SEZ6L: variants seen among roughly 807,000 people sequenced by gnomAD.
The protein encoded by SEZ6L is seizure 6-like protein.
In SEZ6L, 37 loss-of-function variants were observed where a neutral mutation model predicts 106.2. The observed-to-expected ratio is 0.35, with a 90% confidence interval of 0.27 to 0.46. The LOEUF (loss-of-function observed/expected upper bound fraction) is 0.46, where lower values mean the gene tolerates loss of function less well. Among genes scored for constraint, SEZ6L ranks in the 20% least tolerant of loss-of-function variants. SEZ6L has a pLI of 1.00. For missense variants in SEZ6L, 1,172 were observed against 1,332.8 expected, an observed-to-expected ratio of 0.88 and a Z score of 1.88; for synonymous variants, 541 against 570.4, an observed-to-expected ratio of 0.95 and a Z score of 0.73.
chr22:26,303,010 A>C (rs909526525), intron 5 of SEZ6L, among the ~76,000 whole-genome samples: 1 of 152,242 alleles, frequency 6.6e-6, no homozygotes, highest in Non-Finnish European at 1.5e-5. Flanking sequence ...CCCCATGCCC[A>C]TCGTTTCATT....
chr22:26,262,591 G>A lies in SEZ6L; in HGVS notation c.95-29815G>A, dbSNP rs151127518. 1.3e-3 allele frequency among the ~76,000 whole-genome samples: 195 copies of A among 152,280 alleles called. 1 individual carries two copies. The highest frequency in any genetic ancestry group is 4.4e-3 in the African/African-American group (184 of 41,540). ...TTCTTTCCTAGTGTGAAGGACAGAC[G>A]TAAGTGTTACCAGCACAGGGAGCTC... On this transcript the variant is annotated intron_variant, in intron 1 of 16. Coordinates refer to ENST00000248933, the MANE Select transcript of SEZ6L (RefSeq NM_021115.5).
intron 9 of SEZ6L, among the ~76,000 whole-genome samples, chr22:26,325,862 G>A (rs746555457): frequency 3.3e-5 from 5 of 152,092 alleles, no homozygotes; most frequent in African/African-American, 9.6e-5. Flanking sequence ...CTGTGATGAC[G>A]ATTAATCCCT....
chr22:26,317,169 G>A (rs1601482415), intron 9 of SEZ6L, among the ~76,000 whole-genome samples: 1 of 152,166 alleles, frequency 6.6e-6, no homozygotes, highest in African/African-American at 2.4e-5. Flanking sequence ...CTTCTTAGCT[G>A]AAGCTTCACA....
intron 1 of SEZ6L, among the ~76,000 whole-genome samples, chr22:26,269,976 G>A (rs1325954399): frequency 2.0e-5 from 3 of 152,186 alleles, no homozygotes; most frequent in Non-Finnish European, 4.4e-5. Flanking sequence ...CAGTATCAGG[G>A]AAAAGACCCC....
rs768817096 is a variant in SEZ6L at position 26,313,749 on chromosome 22, G to C, written c.1877-15G>C. The C allele has an allele frequency of 3.8e-6, 6 of 1,596,736 alleles. No homozygotes were observed. Among genetic ancestry groups the C allele is most frequent in the African/African-American group, 1.3e-5 (1 of 74,652 alleles). On this transcript the variant is annotated splice_polypyrimidine_tract_variant and intron_variant, in intron 8 of 16. Coordinates refer to ENST00000248933, the MANE Select transcript of SEZ6L (RefSeq NM_021115.5). ...ACAAATAAAGTCCGTCTTCTTGCCT[G>C]TCTGTCTTTTACAGCCATGTGTGGT...
At position 26,322,913 on chromosome 22, in the gene SEZ6L, CA is replaced by C. The variant is rs1257051713; in HGVS notation, c.2015+9012del. The stretch of plus-strand genomic sequence containing the variant: ...GGGCCTTTTCATATTGCTCTCCTCT[CA>C]CTCTCTCTCATTCATTCTCTCTCCA... On this transcript the variant is annotated intron_variant, in intron 9 of 16. Coordinates refer to ENST00000248933, the MANE Select transcript of SEZ6L (RefSeq NM_021115.5). 5.9e-5 allele frequency among the ~76,000 whole-genome samples: 9 copies of C among 152,316 alleles called. No individual in the cohort carries two copies. The East Asian group carries it at 1.4e-3, about 23-fold the overall frequency.
intron 5 of SEZ6L, among the ~76,000 whole-genome samples, chr22:26,303,054 C>A (rs534979399): frequency 6.6e-6 from 1 of 152,354 alleles, no homozygotes; most frequent in South Asian, 2.1e-4. Flanking sequence ...GGAGGGTGGA[C>A]TTATCACCAT....
intron 1 of SEZ6L, among the ~76,000 whole-genome samples, chr22:26,263,913 C>G (rs2080096467): frequency 6.6e-6 from 1 of 152,222 alleles, no homozygotes; most frequent in Non-Finnish European, 1.5e-5. Flanking sequence ...CTCATCATCT[C>G]TCACCTGGAC....
intron 1 of SEZ6L, among the ~76,000 whole-genome samples, chr22:26,257,018 A>C (rs1307480713): frequency 6.6e-6 from 1 of 152,182 alleles, no homozygotes; most frequent in Non-Finnish European, 1.5e-5. Context: ...GGTGGGGAGC[A>C]ATTTTGCTCT....
chr22:26,283,754 A>T (rs1045926724), intron 1 of SEZ6L, among the ~76,000 whole-genome samples: 8 of 152,330 alleles, frequency 5.3e-5, no homozygotes, highest in African/African-American at 1.9e-4. Context: ...CGAGAATGCT[A>T]AATGCCACAT....
At chr22:26,345,655 C>T (rs1244061806) in intron 10 of SEZ6L, among the ~76,000 whole-genome samples, 1 of 152,154 alleles carries the variant, frequency 6.6e-6, no homozygotes, top group Non-Finnish European at 1.5e-5. Flanking sequence ...CTCCTTTCCC[C>T]AAATAAAATC....
chr22:26,279,604 A>G (rs1218933155), intron 1 of SEZ6L, among the ~76,000 whole-genome samples: 1 of 152,290 alleles, frequency 6.6e-6, no homozygotes, highest in Non-Finnish European at 1.5e-5. Flanking sequence ...TGAGAAGGCC[A>G]AGGACCAGGC....
At chr22:26,344,628 C>T (rs1016292761) in intron 10 of SEZ6L, among the ~76,000 whole-genome samples, 2 of 152,154 alleles carry the variant, frequency 1.3e-5, no homozygotes, top group Admixed American at 1.3e-4. Context: ...AAAAATTGAA[C>T]CTTGGTGCTA....
intron 1 of SEZ6L, among the ~76,000 whole-genome samples, chr22:26,205,251 C>T (rs1050624371): frequency 1.3e-5 from 2 of 152,230 alleles, no homozygotes; most frequent in East Asian, 3.8e-4. Context: ...ATTCAAGGCC[C>T]TTTCAAGTCT....
At position 26,292,797 on chromosome 22, in the gene SEZ6L, G is replaced by A. The variant is rs768838328; in HGVS notation, c.486G>A (p.Glu162=). 6.8e-6 allele frequency: 11 copies of A among 1,614,088 alleles called. No homozygotes were observed. The highest frequency in any genetic ancestry group is 6.7e-5 in the Admixed American group (4 of 60,022). The change falls in exon 2 of 17, where the codon GAG becomes GAA. Residue 162 remains glutamate, a synonymous_variant. Transcript: ENST00000248933. The part of the protein sequence containing the change: ...QGLDLLSSST[E]KPGPPGDPDP... ...TAGATCTCCTCTCCTCCTCCACGGA[G>A]AAGCCTGGCCCACCGGGGGACCCGG...
Position 26,297,072 on chromosome 22 carries a change from A to G in SEZ6L, c.1154A>G (p.His385Arg), listed in dbSNP as rs768713974. The change falls in exon 4 of 17, where the codon CAC becomes CGC. Residue 385 changes from histidine to arginine, a missense_variant. Coordinates refer to ENST00000248933, the MANE Select transcript of SEZ6L (RefSeq NM_021115.5). ...QDDGLGTFQL[H>R]YQAFMLSCNF... ...GACGGCCTTGGGACCTTCCAGCTTC[A>G]CTACCAGGGTAGGGTCAGGCCAAGG... The G allele has an allele frequency of 6.2e-7, 1 of 1,612,534 alleles. No individual in the cohort carries two copies. The highest frequency in any genetic ancestry group is 2.2e-5 in the East Asian group (1 of 44,846).
intron 1 of SEZ6L, among the ~76,000 whole-genome samples, chr22:26,177,583 T>C (rs753161215): frequency 6.6e-5 from 10 of 152,164 alleles, no homozygotes; most frequent in Non-Finnish European, 1.3e-4. Flanking sequence ...AGCTGAAAAC[T>C]GGGACAGTAT....
chr22:26,175,519 G>T (rs200294670), intron 1 of SEZ6L, among the ~76,000 whole-genome samples: 1 of 152,094 alleles, frequency 6.6e-6, no homozygotes, highest in Non-Finnish European at 1.5e-5. Context: ...TAGTCTGGAT[G>T]GGTAAGTGCA....
chr22:26,227,222 C>A (rs559751590), intron 1 of SEZ6L, among the ~76,000 whole-genome samples: 32 of 152,276 alleles, frequency 2.1e-4, no homozygotes, highest in Non-Finnish European at 3.8e-4. Flanking sequence ...CAGAGTCTTG[C>A]TCTGCAGCTG....
Sources: allele counts gnomAD v4.1 joint callset (sites outside exome capture counted in the v4.1 genomes callset), GRCh38; gene constraint gnomAD v4.1.1; transcripts MANE v1.5; gene names NCBI Gene and HGNC (gene_info 2026-07-23, HGNC 2026-07-21).